Variants in VWA8 observed in about 807,000 individuals in gnomAD.
VWA8 encodes the protein von Willebrand factor A domain containing 8.
In VWA8, 221 loss-of-function variants were observed where a neutral mutation model predicts 241.5. The observed-to-expected ratio is 0.91, with a 90% confidence interval of 0.82 to 1.02. VWA8 has a LOEUF of 1.02. VWA8 is among the 50% of genes least tolerant of loss of function. The pLI is 0.00. For missense variants in VWA8, 2,322 were observed against 2,328.7 expected (o/e 1.00, Z 0.06); for synonymous variants, 852 against 827.1 (o/e 1.03, Z -0.52).
At chr13:41,880,294 T>A (rs1260935679) in intron 9 of VWA8, among the ~76,000 whole-genome samples, 1 of 152,000 alleles carries the variant, frequency 6.6e-6, no homozygotes, top group Non-Finnish European at 1.5e-5. Flanking sequence ...TCCCTCCTAC[T>A]CCCCCTGCCT....
At chr13:41,757,673 T>C (rs779055899) in intron 21 of VWA8, among the ~76,000 whole-genome samples, 6 of 151,640 alleles carry the variant, frequency 4.0e-5, no homozygotes, top group Non-Finnish European at 8.9e-5. Context: ...TAGCTCCCAC[T>C]TATAAGAGAG....
chr13:41,949,061 A>G (rs570290783), intron 2 of VWA8, among the ~76,000 whole-genome samples: 11 of 149,076 alleles, frequency 7.4e-5, no homozygotes, highest in Admixed American at 6.0e-4. Flanking sequence ...AAAAAAGAAC[A>G]GTGATTTCCA....
At chr13:41,714,999 T>A (rs1450019523) in intron 26 of VWA8, among the ~76,000 whole-genome samples, 2 of 151,928 alleles carry the variant, frequency 1.3e-5, no homozygotes, top group Non-Finnish European at 2.9e-5. Context: ...GTTTATATCA[T>A]CCTTAGAATT....
Position 41,587,684 on chromosome 13 carries a change from T to C in VWA8, c.5113-14A>G. 6.2e-7 allele frequency: 1 copy of C among 1,613,098 alleles called. No homozygotes were observed. Among genetic ancestry groups the C allele is most frequent in the Non-Finnish European group, 8.5e-7 (1 of 1,179,304 alleles). The stretch of plus-strand genomic sequence containing the variant: ...TGGGCTGCCAAGCTGAGGGAAGGAA[T>C]AACAGAAAAGCCGTTTGTGAACTGG... On this transcript the variant is annotated splice_polypyrimidine_tract_variant and intron_variant, in intron 41 of 44. Transcript: ENST00000379310.
intron 12 of VWA8, among the ~76,000 whole-genome samples, chr13:41,860,981 T>C (rs966196979): frequency 1.3e-5 from 2 of 151,778 alleles, no homozygotes; most frequent in Admixed American, 6.6e-5. Flanking sequence ...ATTCATGTTA[T>C]ATATAATTAT....
At chr13:41,837,082 G>GATAGAT (rs1566476355) in intron 12 of VWA8, among the ~76,000 whole-genome samples, 2 of 123,036 alleles carry the variant, frequency 1.6e-5, no homozygotes, top group East Asian at 5.4e-4. Flanking sequence ...GATAGATAGA[G>GATAGAT]ATTTTTAAAA....
intron 9 of VWA8, among the ~76,000 whole-genome samples, chr13:41,879,476 CCTT>C (rs1874069132): frequency 6.6e-6 from 1 of 151,604 alleles, no homozygotes; most frequent in African/African-American, 2.4e-5. Context: ...TCTCTTCCCT[CCTT>C]TGTCTCTTTA....
At chr13:41,644,129 T>A (rs562311633) in intron 37 of VWA8, among the ~76,000 whole-genome samples, 12 of 152,286 alleles carry the variant, frequency 7.9e-5, no homozygotes, top group African/African-American at 2.6e-4. Context: ...GATTTTTTTT[T>A]AATTGTGCCA....
intron 12 of VWA8, among the ~76,000 whole-genome samples, chr13:41,833,803 T>A (rs1253422850): frequency 6.6e-6 from 1 of 152,210 alleles, no homozygotes; most frequent in African/African-American, 2.4e-5. Flanking sequence ...TCTTCCGCTT[T>A]TAAAATGTTC....
Position 41,811,306 on chromosome 13 carries a change from TG to T in VWA8, c.1981del (p.Gln661AsnfsTer38). ...CAGCCGACGAGAAATTCGCAACAGT[TG>T]TCTGGTAGAAAGTGATGCCGCTAAT... is the stretch of plus-strand genomic sequence containing the variant. ...QSLAASLSTR[Q>X]LLRISRRLSQ... On this transcript the variant is annotated frameshift_variant, in exon 17 of 45. Coordinates refer to ENST00000379310, the MANE Select transcript of VWA8 (RefSeq NM_015058.2). LOFTEE classifies it high-confidence loss of function. 6.2e-7 allele frequency: 1 copy of T among 1,611,338 alleles called. No individual in the cohort carries two copies. Among genetic ancestry groups the T allele is most frequent in the Non-Finnish European group, 8.5e-7 (1 of 1,177,900 alleles).
chr13:41,890,887 A>G (rs941038143), intron 5 of VWA8, among the ~76,000 whole-genome samples: 1 of 152,218 alleles, frequency 6.6e-6, no homozygotes, highest in Non-Finnish European at 1.5e-5. Flanking sequence ...GGAAGCAGGG[A>G]GTGCAGTTAG....
chr13:41,855,734 T>C (rs928706317), intron 12 of VWA8, among the ~76,000 whole-genome samples: 2 of 152,098 alleles, frequency 1.3e-5, no homozygotes, highest in Admixed American at 6.6e-5. Context: ...ATCTCAATTG[T>C]GGTACTGGCC....
intron 37 of VWA8, among the ~76,000 whole-genome samples, chr13:41,669,326 C>T (rs2045007032): frequency 6.6e-6 from 1 of 152,162 alleles, no homozygotes; most frequent in African/African-American, 2.4e-5. Flanking sequence ...TATTCAGTTA[C>T]ATCTAAACAA....
Position 41,927,066 on chromosome 13 carries a change from G to A in VWA8, c.242-14898C>T, listed in dbSNP as rs989870671. On this transcript the variant is annotated intron_variant, in intron 2 of 44. Transcript: ENST00000379310. ...CTGCTTGTCATGAAGAAAGAGATAA[G>A]CGATGCCTAAACTAAGCTGAATAAT... 2.1e-5 allele frequency: 8 copies of A among 379,992 alleles called. No homozygotes were observed. The Admixed American group carries it at 2.8e-4, about 13-fold the overall frequency. The allele number at this position is 379,992 out of a possible 1,614,324, so 23.5% of individuals were successfully genotyped here. A position where few individuals can be genotyped will look rare whatever the true frequency, so the allele number is the denominator to read the frequency against.
intron 37 of VWA8, among the ~76,000 whole-genome samples, chr13:41,654,789 C>T (rs530652846): frequency 9.9e-5 from 15 of 152,210 alleles, no homozygotes; most frequent in African/African-American, 3.1e-4. Flanking sequence ...TCAGATGAAC[C>T]CAGACTGAGG....
chr13:41,738,141 T>G (rs933399066), intron 21 of VWA8, among the ~76,000 whole-genome samples: 6 of 152,134 alleles, frequency 3.9e-5, no homozygotes, highest in African/African-American at 1.4e-4. Flanking sequence ...TTTGAACGCT[T>G]TGAGGGAAAA....
intron 25 of VWA8, 140 bp downstream of exon 25, chr13:41,721,230 T>TA (rs1420712262): frequency 2.7e-5 from 25 of 911,004 alleles, no homozygotes; most frequent in Non-Finnish European, 4.1e-5. Context: ...ATTTATAACT[T>TA]AGATTATACA....
intron 3 of VWA8, among the ~76,000 whole-genome samples, chr13:41,910,287 G>A (rs965773429): frequency 6.6e-6 from 1 of 152,060 alleles, no homozygotes; most frequent in African/African-American, 2.4e-5. Context: ...GGTAGCAAGT[G>A]CACATCTTAA....
Position 41,580,814 on chromosome 13 carries a change from T to C in VWA8, c.5272-4976A>G, listed in dbSNP as rs372994740. On this transcript the variant is annotated intron_variant, in intron 42 of 44. Coordinates refer to ENST00000379310, the MANE Select transcript of VWA8 (RefSeq NM_015058.2). ...CTTTGAATCTTTGTTTTCTCTTCTG[T>C]AAAACAAAAAGGTTGGTGAAAATAA... is the stretch of plus-strand genomic sequence containing the variant. Among the ~76,000 whole-genome samples the C allele has an allele frequency of 4.0e-4, 61 of 152,244 alleles. No individual in the cohort carries two copies. The South Asian group carries it at 0.012, about 31-fold the overall frequency.
Sources: allele counts gnomAD v4.1 joint callset (sites outside exome capture counted in the v4.1 genomes callset), GRCh38; gene constraint gnomAD v4.1.1; transcripts MANE v1.5; gene names NCBI Gene and HGNC (gene_info 2026-07-23, HGNC 2026-07-21).